Variants in HRK observed in about 807,000 individuals in gnomAD.
HRK encodes the protein harakiri, BCL2 interacting protein, also known as activator of apoptosis harakiri.
In HRK, 6 loss-of-function variants were observed where a neutral mutation model predicts 5.9. The observed-to-expected ratio is 1.02, with a 90% CI of 0.56 to 2.01. The LOEUF is 2.01. HRK is among the 30% of genes most tolerant of loss of function. The pLI, the probability that HRK is intolerant of heterozygous loss-of-function variation, is 0.00. For missense variants in HRK, 133 were observed against 128.3 expected, an observed-to-expected ratio of 1.04 and a Z score of -0.18; for synonymous variants, 85 against 65.1, an observed-to-expected ratio of 1.31 and a Z score of -1.47.
chr12:116,880,877 AG>A, intron 1 of HRK, 98 bp downstream of exon 1: 1 of 409,484 alleles, frequency 2.4e-6, no homozygotes, highest in Non-Finnish European at 4.1e-6. Flanking sequence ...AGAAGGGAAA[AG>A]AAGAAAGCCA....
chr12:116,872,322 G>A (rs192225890), intron 1 of HRK, among the ~76,000 whole-genome samples: 4 of 152,126 alleles, frequency 2.6e-5, no homozygotes, highest in Admixed American at 6.5e-5. Flanking sequence ...GAGAGATTGC[G>A]CCATTGCACT....
chr12:116,861,671 A>G (rs1322829401), intron 1 of HRK, among the ~76,000 whole-genome samples: 2 of 152,228 alleles, frequency 1.3e-5, no homozygotes, highest in African/African-American at 4.8e-5. Flanking sequence ...ATCTCTGTCT[A>G]TGTAGCAGCC....
chr12:116,857,817 G>C lies in HRK; in HGVS notation c.*3706C>G, dbSNP rs1448190417. 1 of 152,176 alleles carries C rather than the reference G, an allele frequency of 6.6e-6. No individual in the cohort carries two copies. The highest frequency in any genetic ancestry group is 1.9e-4 in the East Asian group (1 of 5,188). The allele number at this position is 152,176 out of a possible 1,614,324, so 9.4% of individuals were successfully genotyped here. On this transcript the variant is annotated 3_prime_UTR_variant, in exon 2 of 2. Transcript: ENST00000257572. Reference sequence around the variant, plus strand: ...GCCTGTAATCCCAGCACTTTGGGAGGCCAAGGCAGGTGGATCACTTGAGGC... The same window carrying C: ...GCCTGTAATCCCAGCACTTTGGGAGCCCAAGGCAGGTGGATCACTTGAGGC...
intron 1 of HRK, among the ~76,000 whole-genome samples, chr12:116,873,846 T>C (rs189928866): frequency 1.5e-3 from 226 of 152,234 alleles, no homozygotes; most frequent in African/African-American, 5.3e-3. Flanking sequence ...TCTCCTTGCC[T>C]GGCCAACCAG....
At chr12:116,872,022 G>A (rs147226227) in intron 1 of HRK, among the ~76,000 whole-genome samples, 1 of 152,144 alleles carries the variant, frequency 6.6e-6, no homozygotes, top group East Asian at 1.9e-4. Context: ...CTGGGCTCAA[G>A]TGACTTCACA....
rs1878400894 is a variant in HRK, at chr12:116,862,543, G to T, written c.*57-1077C>A. ...CTTCTGGGACAGAAAGGAGAATGGT[G>T]GTTGCCTAGGGCCGGGGCGGATAGG... On this transcript the variant is annotated intron_variant, in intron 1 of 1. Transcript: ENST00000257572. This position sits in a 1 kb window ranked among gnomAD's most constrained non-coding sequence, Gnocchi z 4.0. Among the ~76,000 whole-genome samples, 1 of 152,282 alleles carries T rather than the reference G, an allele frequency of 6.6e-6. No individual in the cohort carries two copies. Among genetic ancestry groups the T allele is most frequent in the Non-Finnish European group, 1.5e-5 (1 of 68,034 alleles).
intron 1 of HRK, among the ~76,000 whole-genome samples, chr12:116,866,614 A>G (rs1878557094): frequency 6.6e-6 from 1 of 152,166 alleles, no homozygotes; most frequent in Admixed American, 6.6e-5. Context: ...CTCTGGAAGA[A>G]GTATTTGCTC....
chr12:116,868,562 A>G (rs1369750341), intron 1 of HRK, among the ~76,000 whole-genome samples: 1 of 152,172 alleles, frequency 6.6e-6, no homozygotes, highest in Non-Finnish European at 1.5e-5. Flanking sequence ...GATCCAAACT[A>G]TGTTTTCTGT....
chr12:116,878,379 G>A lies in HRK; in HGVS notation c.*56+2597C>T. On this transcript the variant is annotated intron_variant, in intron 1 of 1. Coordinates refer to ENST00000257572, the MANE Select transcript of HRK (RefSeq NM_003806.4). The surrounding 1 kb of genome is among the most constrained non-coding windows in gnomAD (Gnocchi z 4.4). ...TTTTTCTTTTAGGGTAGGGAAGGTG[G>A]AGAGCACCCCATATCCAGCATAGAA... 6.6e-6 allele frequency: 1 copy of A among 152,360 alleles called. No individual in the cohort carries two copies. The highest frequency in any genetic ancestry group is 2.1e-4 in the South Asian group (1 of 4,832). The allele number at this position is 152,360 out of a possible 1,614,324, so 9.4% of individuals were successfully genotyped here.
In HRK at chr12:116,857,528, A is replaced by G. The variant is rs17429217; in HGVS notation, c.*3995T>C. 2,982 of 152,328 alleles carry G rather than the reference A, an allele frequency of 0.02. 58 individuals are homozygous for G. Among genetic ancestry groups the G allele is most frequent in the South Asian group, 0.029 (141 of 4,830 alleles). 9.4% of individuals were successfully genotyped at this position (152,328 alleles called of 1,614,324 possible). A position where few individuals can be genotyped will look rare whatever the true frequency, so the allele number is the denominator to read the frequency against. ...TATCAGGTGGACACTCAAAAAGTCCACAATGGTGAGCCACTGTCCCTAAAA... is the reference window on the plus strand; with the variant it reads ...TATCAGGTGGACACTCAAAAAGTCCGCAATGGTGAGCCACTGTCCCTAAAA... On this transcript the variant is annotated 3_prime_UTR_variant, in exon 2 of 2. Transcript: ENST00000257572.
chr12:116,867,253 G>A (rs112847647), intron 1 of HRK, among the ~76,000 whole-genome samples: 4,373 of 151,280 alleles, frequency 0.029, 171 homozygotes, highest in East Asian at 0.13. Flanking sequence ...GCTATTCTCC[G>A]GCCTCAGCCT....
intron 1 of HRK, among the ~76,000 whole-genome samples, chr12:116,863,071 G>A (rs565159253): frequency 3.9e-5 from 6 of 152,272 alleles, no homozygotes; most frequent in African/African-American, 4.8e-5. Context: ...ATAAGTTAGC[G>A]GGGGAGATAA....
chr12:116,859,496 C>G lies in HRK; in HGVS notation c.*2027G>C, dbSNP rs1878278218. ...CATATTATTCTAATGAATTTGCCTT[C>G]TCTAAGTTCGTAGCTTTGTGGGAAT... On this transcript the variant is annotated 3_prime_UTR_variant, in exon 2 of 2. Coordinates refer to ENST00000257572, the MANE Select transcript of HRK (RefSeq NM_003806.4). 6.6e-6 allele frequency: 1 copy of G among 152,174 alleles called. No homozygotes were observed. Among genetic ancestry groups the G allele is most frequent in the Non-Finnish European group, 1.5e-5 (1 of 68,048 alleles). 9.4% of individuals were successfully genotyped at this position (152,174 alleles called of 1,614,324 possible).
At chr12:116,867,672 TGTTCCCAAGGAA>T (rs1878594194) in intron 1 of HRK, 1 of 152,128 alleles carries the variant, frequency 6.6e-6, no homozygotes, top group Non-Finnish European at 1.5e-5. Context: ...ACAATGCAAA[TGTTCCCAAGGAA>T]GTGACCATAT....
intron 1 of HRK, among the ~76,000 whole-genome samples, chr12:116,863,727 C>G (rs1878443617): frequency 6.7e-6 from 1 of 150,352 alleles, no homozygotes; most frequent in Non-Finnish European, 1.5e-5. Flanking sequence ...GAAACTGGGT[C>G]TCGCTCTGCC....
At chr12:116,880,945 C>T in intron 1 of HRK, 31 bp downstream of exon 1, 2 of 1,056,834 alleles carry the variant, frequency 1.9e-6, no homozygotes, top group Non-Finnish European at 2.4e-6. Context: ...CCAGCTGCCG[C>T]GCCCCGGCTC....
At chr12:116,865,404 G>A (rs903500748) in intron 1 of HRK, among the ~76,000 whole-genome samples, 32 of 152,048 alleles carry the variant, frequency 2.1e-4, no homozygotes, top group Non-Finnish European at 4.3e-4. Flanking sequence ...GTGCACACCT[G>A]TAATCTTCGC....
At chr12:116,877,351 G>A (rs58117463) in intron 1 of HRK, among the ~76,000 whole-genome samples, 3,607 of 151,936 alleles carry the variant, frequency 0.024, 139 homozygotes, top group African/African-American at 0.08. Flanking sequence ...CCACTGGCCC[G>A]GCCTGCACTG....
Position 116,880,172 on chromosome 12 carries a change from G to A in HRK, c.*56+804C>T, listed in dbSNP as rs569847066. Among the ~76,000 whole-genome samples, 4 of 152,196 alleles carry A rather than the reference G, an allele frequency of 2.6e-5. No homozygotes were observed. In the East Asian group the frequency reaches 7.7e-4, roughly 29 times the overall value. On this transcript the variant is annotated intron_variant, in intron 1 of 1. Coordinates refer to ENST00000257572, the MANE Select transcript of HRK (RefSeq NM_003806.4). Reference sequence around the variant, plus strand: ...TCAACACATGACCTCCCTAAACAGTGCCCAGCACCCCGAAGGAGCTCAATA... The same window carrying A: ...TCAACACATGACCTCCCTAAACAGTACCCAGCACCCCGAAGGAGCTCAATA...
Sources: allele counts gnomAD v4.1 joint callset (sites outside exome capture counted in the v4.1 genomes callset), GRCh38; gene constraint gnomAD v4.1.1; non-coding constraint Gnocchi (gnomAD v3.1); transcripts MANE v1.5; gene names NCBI Gene and HGNC (gene_info 2026-07-23, HGNC 2026-07-21).